The following CFAP299 variants were observed in gnomAD, a reference collection of about 807,000 sequenced individuals.
The protein encoded by CFAP299 is cilia- and flagella-associated protein 299.
Under a neutral mutation model 27.0 loss-of-function variants are expected in CFAP299, and 21 were observed. The ratio of observed to expected loss-of-function variants is 0.78; its 90% CI spans 0.55 to 1.12. CFAP299 has a LOEUF of 1.12. Ranked by LOEUF, CFAP299 falls within the 50% of genes most tolerant of loss-of-function variation. The pLI is 0.00. For synonymous variants in CFAP299, 104 were observed against 98.1 expected, an observed-to-expected ratio of 1.06 and a Z score of -0.36; for missense variants, 310 against 276.6, an observed-to-expected ratio of 1.12 and a Z score of -0.86.
chr4:80,436,199 T>A (rs1728063918), intron 2 of CFAP299, among the ~76,000 whole-genome samples: 1 of 152,216 alleles, frequency 6.6e-6, no homozygotes, highest in African/African-American at 2.4e-5. Flanking sequence ...AAAAATATGG[T>A]AAGTTGTCTT....
chr4:80,677,517 G>T (rs1403396640), intron 3 of CFAP299, among the ~76,000 whole-genome samples: 1 of 151,800 alleles, frequency 6.6e-6, no homozygotes, highest in Non-Finnish European at 1.5e-5. Flanking sequence ...TAAAGCTTGA[G>T]ATTTTATTTT....
At chr4:80,915,171 T>C (rs940085766) in intron 4 of CFAP299, among the ~76,000 whole-genome samples, 7 of 152,028 alleles carry the variant, frequency 4.6e-5, no homozygotes, top group Admixed American at 4.6e-4. Flanking sequence ...ATGGATTATA[T>C]AAAAGTTTTT....
chr4:80,602,221 T>TAA (rs35563729), intron 3 of CFAP299, among the ~76,000 whole-genome samples: 26 of 148,420 alleles, frequency 1.8e-4, no homozygotes, highest in African/African-American at 5.4e-4. Flanking sequence ...AAATAAAAGT[T>TAA]AAAAAAAAAA....
At chr4:80,443,480 C>A (rs1475455983) in intron 2 of CFAP299, among the ~76,000 whole-genome samples, 1 of 152,110 alleles carries the variant, frequency 6.6e-6, no homozygotes, top group Non-Finnish European at 1.5e-5. Flanking sequence ...AAATTCAAAA[C>A]CCCTTCATGC....
intron 2 of CFAP299, among the ~76,000 whole-genome samples, chr4:80,525,510 G>C (rs555867161): frequency 7.9e-5 from 12 of 151,956 alleles, no homozygotes; most frequent in Admixed American, 2.0e-4. Context: ...CTTCAGCCAG[G>C]GTTATTTCTT....
intron 3 of CFAP299, among the ~76,000 whole-genome samples, chr4:80,808,165 C>T (rs1019482842): frequency 2.2e-4 from 33 of 151,980 alleles, no homozygotes; most frequent in African/African-American, 6.8e-4. Context: ...ATTTTGATAC[C>T]GAAATAGTGA....
chr4:80,614,872 A>T (rs1440235789), intron 3 of CFAP299, among the ~76,000 whole-genome samples: 1 of 152,224 alleles, frequency 6.6e-6, no homozygotes, highest in Non-Finnish European at 1.5e-5. Context: ...ACACAATTTT[A>T]ATGTCAACAT....
chr4:80,699,457 C>T (rs1457556104), intron 3 of CFAP299, among the ~76,000 whole-genome samples: 2 of 152,292 alleles, frequency 1.3e-5, no homozygotes, highest in South Asian at 2.1e-4. Flanking sequence ...CAGGCAGTAC[C>T]AGAAACACCC....
At chr4:80,324,346 C>T in the CFAP299 span, among the ~76,000 whole-genome samples, 1 of 152,136 alleles carries the variant, frequency 6.6e-6, no homozygotes, top group African/African-American at 2.4e-5. Context: ...TTATCAAAGC[C>T]TCTAAAAGCA....
chr4:80,671,416 G>A (rs745580550), intron 3 of CFAP299, among the ~76,000 whole-genome samples: 1 of 152,164 alleles, frequency 6.6e-6, no homozygotes, highest in Non-Finnish European at 1.5e-5. Flanking sequence ...ATAGTTTGAA[G>A]TCAGGTAGTG....
At chr4:80,659,590 T>C (rs1294361177) in intron 3 of CFAP299, among the ~76,000 whole-genome samples, 1 of 151,946 alleles carries the variant, frequency 6.6e-6, no homozygotes, top group African/African-American at 2.4e-5. Context: ...CATTGAGAGA[T>C]CATGTATAAC....
intron 2 of CFAP299, among the ~76,000 whole-genome samples, chr4:80,434,965 T>C (rs537269332): frequency 2.0e-5 from 3 of 152,184 alleles, no homozygotes; most frequent in Non-Finnish European, 4.4e-5. Flanking sequence ...GCTCTTTTAG[T>C]GAAATCTTTT....
chr4:80,755,182 T>C (rs958782913), intron 3 of CFAP299, among the ~76,000 whole-genome samples: 1 of 152,002 alleles, frequency 6.6e-6, no homozygotes, highest in Non-Finnish European at 1.5e-5. Context: ...GATTATGTAA[T>C]AGAAATAATC....
chr4:80,822,893 A>G (rs1396329066), intron 3 of CFAP299, among the ~76,000 whole-genome samples: 2 of 152,184 alleles, frequency 1.3e-5, no homozygotes, highest in Admixed American at 6.6e-5. Context: ...GCATATTGAA[A>G]TATTTTGTTT....
intron 3 of CFAP299, among the ~76,000 whole-genome samples, chr4:80,802,146 G>A (rs757339286): frequency 1.3e-5 from 2 of 152,074 alleles, no homozygotes; most frequent in South Asian, 4.1e-4. Context: ...ATTTGAAAAC[G>A]TTCTTATCTC....
intron 2 of CFAP299, among the ~76,000 whole-genome samples, chr4:80,459,143 T>C (rs1729316617): frequency 6.6e-6 from 1 of 152,034 alleles, no homozygotes; most frequent in African/African-American, 2.4e-5. Flanking sequence ...CACCGTGCCC[T>C]GGCTAATTAA....
At chr4:80,454,661 A>G (rs76864626) in intron 2 of CFAP299, among the ~76,000 whole-genome samples, 88 of 152,196 alleles carry the variant, frequency 5.8e-4, no homozygotes, top group Non-Finnish European at 1.1e-3. Context: ...ATGCCCATAA[A>G]TGTACACACA....
At chr4:80,459,598 C>T (rs1359974116) in intron 2 of CFAP299, among the ~76,000 whole-genome samples, 4 of 152,020 alleles carry the variant, frequency 2.6e-5, no homozygotes, top group South Asian at 4.1e-4. Context: ...TTTCTTCTGA[C>T]GAGGCAAGAA....
At chr4:80,676,288 A>G (rs1160357590) in intron 3 of CFAP299, among the ~76,000 whole-genome samples, 1 of 152,132 alleles carries the variant, frequency 6.6e-6, no homozygotes, top group Non-Finnish European at 1.5e-5. Context: ...CCATCCTTGC[A>G]TTTCTAGGAT....
Sources: gnomAD v4.1 joint callset for allele counts (sites outside exome capture counted in the v4.1 genomes callset) on GRCh38, gnomAD v4.1.1 for gene constraint, MANE v1.5 for transcripts, NCBI Gene and HGNC (gene_info 2026-07-23, HGNC 2026-07-21) for gene names.